HELZ: variants seen among roughly 807,000 people sequenced by gnomAD.
HELZ encodes ATP-dependent RNA helicase with zinc finger domain.
Under a neutral mutation model 218.2 loss-of-function variants are expected in HELZ, and 23 were observed. That is an observed-to-expected ratio of 0.11 (90% CI 0.08 to 0.15). The LOEUF (loss-of-function observed/expected upper bound fraction) is 0.15. Among genes scored for constraint, HELZ ranks in the 10% least tolerant of loss-of-function variants. HELZ has a pLI of 1.00. For synonymous variants in HELZ, 814 were observed against 829.4 expected, an observed-to-expected ratio of 0.98 and a Z score of 0.32; for missense variants, 1,813 against 2,353.7, an observed-to-expected ratio of 0.77 and a Z score of 4.75.
chr17:67,220,426 G>T (rs1013032848), intron 3 of HELZ, among the ~76,000 whole-genome samples: 21 of 152,146 alleles, frequency 1.4e-4, no homozygotes, highest in African/African-American at 5.1e-4. Flanking sequence ...CAATATTGGG[G>T]ATTTACACAT....
intron 17 of HELZ, among the ~76,000 whole-genome samples, chr17:67,155,763 G>A (rs965111097): frequency 6.6e-6 from 1 of 151,692 alleles, no homozygotes; most frequent in Non-Finnish European, 1.5e-5. Flanking sequence ...CTTGAACCTG[G>A]GAGGCAGAGG....
chr17:67,146,981 T>C (rs2038517727), intron 20 of HELZ, among the ~76,000 whole-genome samples: 1 of 152,180 alleles, frequency 6.6e-6, no homozygotes, highest in Admixed American at 6.5e-5. Context: ...TATATACCTT[T>C]ATAGATGCAT....
intron 24 of HELZ, 131 bp from the exon 25 acceptor site, chr17:67,124,145 TTAA>T: frequency 1.6e-6 from 1 of 613,540 alleles, no homozygotes; most frequent in Non-Finnish European, 2.8e-6. Flanking sequence ...GAGTCTATAA[TTAA>T]TAACCATTAG....
intron 8 of HELZ, among the ~76,000 whole-genome samples, chr17:67,195,114 GAAGAA>G (rs936759665): frequency 2.6e-5 from 4 of 152,178 alleles, no homozygotes; most frequent in African/African-American, 9.6e-5. Context: ...GACAGAGAGA[GAAGAA>G]AAGTCTTCCC....
At chr17:67,215,808 CATT>C (rs1938564185) in intron 5 of HELZ, 88 bp downstream of exon 5, 1 of 865,650 alleles carries the variant, frequency 1.2e-6, no homozygotes, top group Non-Finnish European at 1.9e-6. Context: ...GCTTTTCAAA[CATT>C]ATCATCATTT....
At chr17:67,148,118 G>A (rs994983427) in intron 20 of HELZ, among the ~76,000 whole-genome samples, 4 of 152,190 alleles carry the variant, frequency 2.6e-5, no homozygotes, top group Admixed American at 6.5e-5. Context: ...CAGAAGTAAG[G>A]CTCAGGCTTG....
intron 26 of HELZ, among the ~76,000 whole-genome samples, chr17:67,122,136 C>T (rs2037628100): frequency 6.6e-6 from 1 of 152,200 alleles, no homozygotes; most frequent in Non-Finnish European, 1.5e-5. Context: ...GGCACAGTGG[C>T]TCATGCCTGT....
upstream of HELZ, chr17:67,245,369 G>C: frequency 1.4e-6 from 1 of 732,776 alleles, no homozygotes; most frequent in Non-Finnish European, 1.7e-6. Context: ...CCGGGCTGAC[G>C]GCATTGAAAA....
At chr17:67,163,732 C>G (rs552723737) in intron 15 of HELZ, among the ~76,000 whole-genome samples, 1 of 152,140 alleles carries the variant, frequency 6.6e-6, no homozygotes, top group African/African-American at 2.4e-5. Flanking sequence ...GAGATGGGGT[C>G]TATGTTGCTG....
At chr17:67,101,111 GAAAAAAA>G (rs34193245) in intron 31 of HELZ, among the ~76,000 whole-genome samples, 1 of 59,986 alleles carries the variant, frequency 1.7e-5, no homozygotes, top group African/African-American at 4.7e-5. Flanking sequence ...CTCCGTCTCA[GAAAAAAA>G]AAAAAAAAAG....
chr17:67,107,150 A>G lies in HELZ; in HGVS notation c.5241+19T>C, dbSNP rs755223937. 6 of 1,574,916 alleles carry G rather than the reference A, an allele frequency of 3.8e-6. No individual in the cohort carries two copies. The African/African-American group carries it at 6.9e-5, about 18-fold the overall frequency. ...TTCACAATCAGCTAATAACAAAAGG[A>G]AAATAAGAAGACATTTACCTCTTCT... On this transcript the variant is annotated intron_variant, in intron 31 of 32. Transcript: ENST00000358691.
At chr17:67,081,201 T>C (rs923547919) in intron 32 of HELZ, among the ~76,000 whole-genome samples, 13 of 152,184 alleles carry the variant, frequency 8.5e-5, no homozygotes, top group Non-Finnish European at 1.5e-4. Context: ...GGCCCTTCAA[T>C]GACTTTGTGA....
At chr17:67,117,079 T>A (rs1403349004) in intron 27 of HELZ, among the ~76,000 whole-genome samples, 1 of 152,130 alleles carries the variant, frequency 6.6e-6, no homozygotes, top group Non-Finnish European at 1.5e-5. Context: ...GGTCTCAAAC[T>A]CCTGACCTCA....
chr17:67,211,152 G>C (rs2143215721), intron 5 of HELZ, among the ~76,000 whole-genome samples: 1 of 152,160 alleles, frequency 6.6e-6, no homozygotes, highest in East Asian at 1.9e-4. Context: ...TCCTCACTCA[G>C]AGTATGTTTA....
In HELZ at chr17:67,189,647, G is replaced by A; in HGVS notation, c.806C>T (p.Ser269Leu). The A allele has an allele frequency of 6.2e-7, 1 of 1,613,682 alleles. No homozygotes were observed. The highest frequency in any genetic ancestry group is 8.5e-7 in the Non-Finnish European group (1 of 1,179,658). Residue 269 changes from serine (S) to leucine (L), a missense_variant, in exon 11 of 33, where the codon TCA becomes TTA. By Grantham distance (145) the Ser-to-Leu change is moderately radical. Around this residue, in one of 4 missense-constraint regions of HELZ, gnomAD observed 714 missense variants for 1,029.2 expected, o/e 0.69. Transcript: ENST00000358691. ...GVKVEHNPDL[S>L]VTVSTKKSHQ... ...GGATTTTTTGGTGCTGACAGTAACTGACAGGTCAGGATTGTGCTCTACCTT... is the reference window on the plus strand; with the variant it reads ...GGATTTTTTGGTGCTGACAGTAACTAACAGGTCAGGATTGTGCTCTACCTT...
At chr17:67,214,048 T>A (rs1175487163) in intron 5 of HELZ, among the ~76,000 whole-genome samples, 1 of 152,134 alleles carries the variant, frequency 6.6e-6, no homozygotes, top group African/African-American at 2.4e-5. Context: ...CTTCTTCAGA[T>A]GGGGGAAGGA....
chr17:67,125,143 G>A (rs2037742125), intron 24 of HELZ, among the ~76,000 whole-genome samples: 1 of 150,610 alleles, frequency 6.6e-6, no homozygotes, highest in Non-Finnish European at 1.5e-5. Flanking sequence ...GAAGGTTTAA[G>A]GTCAATTGGT....
At chr17:67,222,184 G>A (rs539166312) in intron 3 of HELZ, among the ~76,000 whole-genome samples, 118 of 152,080 alleles carry the variant, frequency 7.8e-4, no homozygotes, top group African/African-American at 2.4e-3. Flanking sequence ...CATACAATAC[G>A]GTATAGACAA....
At chr17:67,225,691 C>T (rs1281123254) in intron 3 of HELZ, 1 of 152,148 alleles carries the variant, frequency 6.6e-6, no homozygotes, top group African/African-American at 2.4e-5. Context: ...ACCATCTTTC[C>T]ATAAAATGGT....
Sources: gnomAD v4.1 joint callset for allele counts (sites outside exome capture counted in the v4.1 genomes callset) on GRCh38, gnomAD v4.1.1 for gene constraint, gnomAD v4.1.1 regional missense constraint, MANE v1.5 for transcripts, NCBI Gene and HGNC (gene_info 2026-07-23, HGNC 2026-07-21) for gene names.